The following LARGE1 variants were observed in gnomAD, a reference collection of about 807,000 sequenced individuals.
LARGE1 encodes xylosyl- and glucuronyltransferase LARGE1.
In LARGE1, 43 loss-of-function variants were observed where a neutral mutation model predicts 87.6. The observed-to-expected ratio is 0.49, with a 90% CI of 0.38 to 0.63. LARGE1 has a LOEUF of 0.63. Ranked by LOEUF, LARGE1 falls within the 30% of genes least tolerant of loss-of-function variation. The probability of loss-of-function intolerance (pLI) is 0.00; values close to 1 mark genes in which losing one functional copy is unlikely to be tolerated. For synonymous variants in LARGE1, 434 were observed against 394.6 expected (o/e 1.10, Z -1.18); for missense variants, 802 against 1,000.2 (o/e 0.80, Z 2.67).
At chr22:33,553,903 C>T (rs370476750) in intron 6 of LARGE1, among the ~76,000 whole-genome samples, 1 of 152,164 alleles carries the variant, frequency 6.6e-6, no homozygotes, top group African/African-American at 2.4e-5. Context: ...AGAGTCTGAG[C>T]CCTGTGTGTC....
chr22:33,811,693 G>A (rs750446778), intron 1 of LARGE1, among the ~76,000 whole-genome samples: 15 of 152,166 alleles, frequency 9.9e-5, no homozygotes, highest in Admixed American at 4.6e-4. Context: ...ATTACGTCAC[G>A]GTAAATTGTT....
Position 33,337,681 on chromosome 22 carries a change from C to T in LARGE1, c.1252G>A (p.Gly418Ser). 6.2e-7 allele frequency: 1 copy of T among 1,614,044 alleles called. No homozygotes were observed. The highest frequency in any genetic ancestry group is 8.5e-7 in the Non-Finnish European group (1 of 1,180,010). Residue 418 changes from glycine (G) to serine (S), a missense_variant, in exon 10 of 15, where the codon GGC becomes AGC. Physicochemically the swap from Gly to Ser is moderately conservative, Grantham distance 56. Transcript: ENST00000397394. ...DGNLLRRELF[G>S]CPSEADVNSE... is the part of the protein sequence containing the mutation. ...TTGACATCAGCCTCACTGGGGCAGC[C>T]AAACAGTTCCCGCCTCAGAAGATTG...
intron 5 of LARGE1, among the ~76,000 whole-genome samples, chr22:33,578,466 C>T (rs1406370338): frequency 2.0e-5 from 3 of 152,110 alleles, no homozygotes. Context: ...AAAAATGTTC[C>T]TCTTTCTTAG....
At chr22:33,775,703 A>G (rs2085212580) in intron 1 of LARGE1, among the ~76,000 whole-genome samples, 1 of 152,102 alleles carries the variant, frequency 6.6e-6, no homozygotes, top group Non-Finnish European at 1.5e-5. Context: ...AAATACAAAA[A>G]TTAGCTGGTA....
the LARGE1 span, among the ~76,000 whole-genome samples, chr22:33,083,104 A>T: frequency 1.4e-4 from 21 of 152,148 alleles, no homozygotes; most frequent in African/African-American, 5.1e-4. Context: ...ATATCAAAAC[A>T]CTGTTGGTTT....
chr22:33,177,210 T>C (rs999558046), intron 11 of LARGE1, among the ~76,000 whole-genome samples: 4 of 152,102 alleles, frequency 2.6e-5, no homozygotes, highest in Non-Finnish European at 4.4e-5. Context: ...ATGTAGATGA[T>C]GGGTTGATGG....
At chr22:33,429,391 A>G (rs982645747) in intron 7 of LARGE1, among the ~76,000 whole-genome samples, 3 of 152,130 alleles carry the variant, frequency 2.0e-5, no homozygotes, top group Non-Finnish European at 2.9e-5. Flanking sequence ...ACCAGCGAGG[A>G]GGGAAGTAAC....
At chr22:33,722,113 C>T (rs111581740) in intron 2 of LARGE1, among the ~76,000 whole-genome samples, 7,989 of 151,148 alleles carry the variant, frequency 0.053, 352 homozygotes, top group South Asian at 0.2. Flanking sequence ...ATTAGCCGGG[C>T]GTGGTGGTGG....
At chr22:33,884,213 A>C (rs1601847346) in intron 1 of LARGE1, among the ~76,000 whole-genome samples, 1 of 152,226 alleles carries the variant, frequency 6.6e-6, no homozygotes, top group African/African-American at 2.4e-5. Context: ...GCCTCGGTCA[A>C]TGCCAGCTTC....
chr22:33,149,407 CT>C, the LARGE1 span, among the ~76,000 whole-genome samples: 78 of 152,164 alleles, frequency 5.1e-4, no homozygotes, highest in African/African-American at 1.8e-3. Context: ...CCATATTGGT[CT>C]TTTTTCTTTC....
rs568219820 is a variant in LARGE1 at position 33,527,226 on chromosome 22, G to A, written c.787+37622C>T. 2.6e-4 allele frequency among the ~76,000 whole-genome samples: 39 copies of A among 152,188 alleles called. 2 individuals carry two copies. The South Asian group carries it at 2.7e-3, about 11-fold the overall frequency. ...AGCCGAGATCGCACCATTGCACTCC[G>A]GCCTGGGCAACAAGAGCAAAACTCC... is the stretch of plus-strand genomic sequence containing the variant. On this transcript the variant is annotated intron_variant, in intron 6 of 14. Transcript: ENST00000397394.
At chr22:33,673,231 T>C (rs1260583464) in intron 2 of LARGE1, among the ~76,000 whole-genome samples, 5 of 152,132 alleles carry the variant, frequency 3.3e-5, no homozygotes, top group Non-Finnish European at 7.4e-5. Flanking sequence ...GCAGAGATCA[T>C]GCCACTGCAC....
intron 1 of LARGE1, among the ~76,000 whole-genome samples, chr22:33,765,077 A>AT (rs901086533): frequency 1.4e-4 from 22 of 152,126 alleles, no homozygotes; most frequent in African/African-American, 4.1e-4. Context: ...ACTTTTCTAT[A>AT]TTTTTTTGCA....
chr22:33,390,383 G>A (rs1312640902), intron 7 of LARGE1, among the ~76,000 whole-genome samples: 6 of 152,208 alleles, frequency 3.9e-5, no homozygotes, highest in Non-Finnish European at 5.9e-5. Flanking sequence ...GCTGAGGATG[G>A]AGGTGATGTT....
At chr22:33,218,479 T>C (rs1220802577) in intron 11 of LARGE1, among the ~76,000 whole-genome samples, 1 of 152,188 alleles carries the variant, frequency 6.6e-6, no homozygotes, top group African/African-American at 2.4e-5. Context: ...CTGATTTCAG[T>C]ATTTGCAAGT....
At chr22:33,566,226 CAATT>C (rs933202715) in intron 5 of LARGE1, among the ~76,000 whole-genome samples, 8 of 152,124 alleles carry the variant, frequency 5.3e-5, no homozygotes, top group Non-Finnish European at 8.8e-5. Context: ...CAAAATGGAA[CAATT>C]AATTCAAACA....
At chr22:33,442,869 T>C (rs2067531414) in intron 6 of LARGE1, among the ~76,000 whole-genome samples, 1 of 151,300 alleles carries the variant, frequency 6.6e-6, no homozygotes, top group African/African-American at 2.4e-5. Context: ...CTCCGCTCAC[T>C]GCAAGCTCCG....
At chr22:33,402,862 G>A (rs2065969411) in intron 7 of LARGE1, among the ~76,000 whole-genome samples, 1 of 152,130 alleles carries the variant, frequency 6.6e-6, no homozygotes, top group Admixed American at 6.5e-5. Flanking sequence ...CAGCTTACTA[G>A]GACCCAGGCA....
chr22:33,366,304 C>T (rs2064591797), intron 9 of LARGE1, among the ~76,000 whole-genome samples: 1 of 152,214 alleles, frequency 6.6e-6, no homozygotes, highest in African/African-American at 2.4e-5. Flanking sequence ...TCTCCTCTTT[C>T]CAACTAATTG....
Sources: allele counts gnomAD v4.1 joint callset (sites outside exome capture counted in the v4.1 genomes callset), GRCh38; gene constraint gnomAD v4.1.1; transcripts MANE v1.5; gene names NCBI Gene and HGNC (gene_info 2026-07-23, HGNC 2026-07-21).